The following NELL1 variants were observed in gnomAD, a reference collection of about 807,000 sequenced individuals.
The protein encoded by NELL1 is protein kinase C-binding protein NELL1.
Under a neutral mutation model 107.4 loss-of-function variants are expected in NELL1, and 76 were observed. The ratio of observed to expected loss-of-function variants is 0.71; its 90% CI spans 0.59 to 0.86. NELL1 has a LOEUF of 0.86. Among genes scored for constraint, NELL1 ranks in the 40% least tolerant of loss-of-function variants. NELL1 has a pLI of 0.00. For missense variants in NELL1, 1,024 were observed against 1,005.5 expected, an observed-to-expected ratio of 1.02 and a Z score of -0.25; for synonymous variants, 353 against 341.2, an observed-to-expected ratio of 1.03 and a Z score of -0.38.
At chr11:20,808,464 G>C (rs1857431907) in intron 3 of NELL1, among the ~76,000 whole-genome samples, 1 of 152,192 alleles carries the variant, frequency 6.6e-6, no homozygotes, top group Non-Finnish European at 1.5e-5. Context: ...GCTGTGAGCT[G>C]CACTGCCTGG....
At chr11:20,706,458 G>A (rs1284261480) in intron 2 of NELL1, among the ~76,000 whole-genome samples, 1 of 142,604 alleles carries the variant, frequency 7.0e-6, no homozygotes, top group Non-Finnish European at 1.5e-5. Flanking sequence ...CAGAGGTGGG[G>A]ATTGAACAAT....
chr11:21,101,678 A>T (rs1173571996), intron 12 of NELL1, among the ~76,000 whole-genome samples: 12 of 151,542 alleles, frequency 7.9e-5, no homozygotes, highest in Non-Finnish European at 8.8e-5. Flanking sequence ...CCACTTTTTG[A>T]TGGGGTTGTT....
intron 13 of NELL1, among the ~76,000 whole-genome samples, chr11:21,164,893 A>T (rs1029480742): frequency 1.3e-5 from 2 of 152,172 alleles, no homozygotes; most frequent in African/African-American, 4.8e-5. Context: ...AACATTTTTA[A>T]TAAATATTCT....
intron 2 of NELL1, among the ~76,000 whole-genome samples, chr11:20,694,129 G>A (rs563105981): frequency 6.6e-6 from 1 of 152,046 alleles, no homozygotes; most frequent in African/African-American, 2.4e-5. Context: ...TTGGCTTTCA[G>A]CTCCATCAGC....
intron 14 of NELL1, among the ~76,000 whole-genome samples, chr11:21,290,581 T>TC (rs1208112162): frequency 5.3e-5 from 8 of 152,062 alleles, no homozygotes; most frequent in African/African-American, 1.9e-4. Context: ...GAGAGACACC[T>TC]CATACAGGAA....
chr11:21,233,624 G>A (rs1366165196), intron 14 of NELL1, among the ~76,000 whole-genome samples: 1 of 152,198 alleles, frequency 6.6e-6, no homozygotes, highest in Non-Finnish European at 1.5e-5. Flanking sequence ...TTGCTTAATA[G>A]TTTGGCATTT....
At chr11:21,390,266 A>G (rs2133781592) in intron 15 of NELL1, among the ~76,000 whole-genome samples, 1 of 151,618 alleles carries the variant, frequency 6.6e-6, no homozygotes, top group Admixed American at 6.6e-5. Context: ...GAAAGCACAA[A>G]GTTTTAAAAA....
At chr11:20,675,387 C>T (rs933173451) in intron 1 of NELL1, among the ~76,000 whole-genome samples, 5 of 152,210 alleles carry the variant, frequency 3.3e-5, no homozygotes, top group African/African-American at 9.7e-5. Flanking sequence ...CATCCGTCAT[C>T]TCATACTATC....
intron 15 of NELL1, among the ~76,000 whole-genome samples, chr11:21,433,634 T>A (rs1253429578): frequency 2.6e-5 from 4 of 152,096 alleles, no homozygotes; most frequent in African/African-American, 7.2e-5. Flanking sequence ...TGATTAGTGA[T>A]GTTGAGCATG....
chr11:21,288,874 T>G (rs914518908), intron 14 of NELL1, among the ~76,000 whole-genome samples: 2 of 152,118 alleles, frequency 1.3e-5, no homozygotes, highest in African/African-American at 4.8e-5. Context: ...GGGGCCTCCA[T>G]TTTTCTCCAC....
intron 12 of NELL1, among the ~76,000 whole-genome samples, chr11:20,971,204 C>T (rs758598557): frequency 6.6e-6 from 1 of 152,024 alleles, no homozygotes; most frequent in African/African-American, 2.4e-5. Context: ...TAGTGATGTA[C>T]CTTCACCTTA....
At chr11:21,156,313 A>G (rs1274981700) in intron 13 of NELL1, among the ~76,000 whole-genome samples, 1 of 152,168 alleles carries the variant, frequency 6.6e-6, no homozygotes, top group East Asian at 1.9e-4. Context: ...TGAGGAAATG[A>G]TTTTGCTCCA....
chr11:21,314,896 G>A (rs1849841407), intron 14 of NELL1, among the ~76,000 whole-genome samples: 1 of 151,324 alleles, frequency 6.6e-6, no homozygotes, highest in African/African-American at 2.4e-5. Context: ...TCACTCTGAC[G>A]CCCAGGCTGG....
chr11:21,552,319 G>T (rs1032379691), intron 16 of NELL1, among the ~76,000 whole-genome samples: 3 of 151,564 alleles, frequency 2.0e-5, no homozygotes, highest in African/African-American at 7.3e-5. Flanking sequence ...GTTTGTTTGA[G>T]TCTTTTAATG....
At chr11:20,925,387 T>C (rs1023893258) in intron 7 of NELL1, among the ~76,000 whole-genome samples, 2 of 151,708 alleles carry the variant, frequency 1.3e-5, no homozygotes, top group African/African-American at 2.4e-5. Flanking sequence ...TTCAAGAGAT[T>C]CTCATGTCTC....
rs1381381057 is a variant in NELL1 at position 21,240,467 on chromosome 11, C to G, written c.1549+11013C>G. 2.0e-5 allele frequency among the ~76,000 whole-genome samples: 3 copies of G among 152,034 alleles called. No homozygotes were observed. The Middle Eastern group carries it at 0.01, about 517-fold the overall frequency. ...CCCAGAGAAGGTTACGCTTAAAGGTCTGATAGTGTTTTCTTTGAAAAATAT... is the reference window on the plus strand; with the variant it reads ...CCCAGAGAAGGTTACGCTTAAAGGTGTGATAGTGTTTTCTTTGAAAAATAT... On this transcript the variant is annotated intron_variant, in intron 14 of 19. Transcript: ENST00000357134.
At chr11:20,940,888 AG>A (rs1293161219) in intron 10 of NELL1, among the ~76,000 whole-genome samples, 1 of 152,186 alleles carries the variant, frequency 6.6e-6, no homozygotes, top group East Asian at 1.9e-4. Flanking sequence ...CTGTAATCCC[AG>A]CACTTTTGAG....
At chr11:21,556,596 C>G (rs1856716001) in intron 16 of NELL1, among the ~76,000 whole-genome samples, 3 of 151,794 alleles carry the variant, frequency 2.0e-5, no homozygotes, top group South Asian at 2.1e-4. Context: ...GCCCAAGTAA[C>G]CTAAAAACCT....
intron 15 of NELL1, among the ~76,000 whole-genome samples, chr11:21,393,713 T>C (rs1851927455): frequency 6.6e-6 from 1 of 151,654 alleles, no homozygotes; most frequent in African/African-American, 2.4e-5. Context: ...TACTCTAATA[T>C]ATCCTGAGAT....
Sources: allele counts gnomAD v4.1 joint callset (sites outside exome capture counted in the v4.1 genomes callset), GRCh38; gene constraint gnomAD v4.1.1; transcripts MANE v1.5; gene names NCBI Gene and HGNC (gene_info 2026-07-23, HGNC 2026-07-21).